NDST3: variants seen among roughly 807,000 people sequenced by gnomAD.
The protein encoded by NDST3 is bifunctional heparan sulfate N-deacetylase/N-sulfotransferase 3.
In NDST3, 58 loss-of-function variants were observed where a neutral mutation model predicts 96.1. That is an observed-to-expected ratio of 0.60 (90% CI 0.49 to 0.75). NDST3 has a LOEUF of 0.75. Ranked by LOEUF, NDST3 falls within the 30% of genes least tolerant of loss-of-function variation. NDST3 has a pLI of 0.00. For missense variants in NDST3, 788 were observed against 1,034.2 expected (o/e 0.76, Z 3.27); for synonymous variants, 333 against 359.7 (o/e 0.93, Z 0.84).
intron 1 of NDST3, among the ~76,000 whole-genome samples, chr4:118,035,589 CT>C (rs1644633017): frequency 6.6e-6 from 1 of 151,818 alleles, no homozygotes. Flanking sequence ...TCATCCATAC[CT>C]TCCTATCAAT....
chr4:118,161,310 G>A lies in NDST3; in HGVS notation c.1539+17626G>A, dbSNP rs112341192. On this transcript the variant is annotated intron_variant, in intron 6 of 13. Coordinates refer to ENST00000296499, the MANE Select transcript of NDST3 (RefSeq NM_004784.3). ...GGGATGCCTCCCAGTTAGGCTGCTC[G>A]GGGGTCAGGGTCAGGGACCCACTTG... 1.1e-4 allele frequency among the ~76,000 whole-genome samples: 17 copies of A among 152,318 alleles called. 1 individual carries two copies. The highest frequency in any genetic ancestry group is 3.9e-4 in the Admixed American group (6 of 15,304).
At chr4:118,255,239 C>T (rs1055283406) in intron 13 of NDST3, among the ~76,000 whole-genome samples, 2 of 152,106 alleles carry the variant, frequency 1.3e-5, no homozygotes, top group African/African-American at 4.8e-5. Context: ...AACAAGGTTA[C>T]TGAGTAATCC....
chr4:118,116,500 C>A (rs1241550173), intron 4 of NDST3, among the ~76,000 whole-genome samples: 4 of 152,128 alleles, frequency 2.6e-5, no homozygotes, highest in African/African-American at 9.7e-5. Flanking sequence ...TTGAACGAAT[C>A]AATGAATGCC....
chr4:118,138,705 T>C (rs1015135534), intron 5 of NDST3, among the ~76,000 whole-genome samples: 3 of 152,186 alleles, frequency 2.0e-5, no homozygotes, highest in African/African-American at 7.2e-5. Context: ...TGCATAATCA[T>C]TAACATATAA....
chr4:118,048,886 C>T (rs1036434412), intron 1 of NDST3, among the ~76,000 whole-genome samples: 2 of 152,102 alleles, frequency 1.3e-5, no homozygotes, highest in African/African-American at 4.8e-5. Flanking sequence ...TAATAGATAT[C>T]TACAGAACTA....
Position 118,054,022 on chromosome 4 carries a change from A to C in NDST3, c.112A>C (p.Lys38Gln), listed in dbSNP as rs1420993629. ...ISAYYLYSGY[K>Q]QENELSETAS... ...TGCTTACTACCTGTACAGTGGCTAC[A>C]AACAGGAAAATGAACTCTCTGAGAC... Residue 38 changes from lysine (K) to glutamine (Q), a missense_variant, in exon 2 of 14, where the codon AAA becomes CAA. Physicochemically the swap from Lys to Gln is moderately conservative, Grantham distance 53. Coordinates refer to ENST00000296499, the MANE Select transcript of NDST3 (RefSeq NM_004784.3). 6 of 1,612,958 alleles carry C rather than the reference A, an allele frequency of 3.7e-6. No individual in the cohort carries two copies. The highest frequency in any genetic ancestry group is 5.1e-6 in the Non-Finnish European group (6 of 1,179,222).
chr4:118,161,728 G>C (rs1046892148), intron 6 of NDST3, among the ~76,000 whole-genome samples: 4 of 152,154 alleles, frequency 2.6e-5, no homozygotes, highest in Non-Finnish European at 5.9e-5. Flanking sequence ...CGTCGGAAAA[G>C]TGCAGTATTA....
rs1742232212 is a variant in NDST3 at position 118,258,282 on chromosome 4, C to G, written c.*2570C>G. 1 of 152,184 alleles carries G rather than the reference C, an allele frequency of 6.6e-6. No homozygotes were observed. The highest frequency in any genetic ancestry group is 2.4e-5 in the African/African-American group (1 of 41,446). 9.4% of individuals were successfully genotyped at this position (152,184 alleles called of 1,614,324 possible). On this transcript the variant is annotated 3_prime_UTR_variant, in exon 14 of 14. Coordinates refer to ENST00000296499, the MANE Select transcript of NDST3 (RefSeq NM_004784.3). Reference sequence around the variant, plus strand: ...TTGACCACTCAATGTGTCTTGAAGACAGCATCAAATTCTAGAGGACATGCA... The same window carrying G: ...TTGACCACTCAATGTGTCTTGAAGAGAGCATCAAATTCTAGAGGACATGCA...
At chr4:118,179,977 T>C (rs529814816) in intron 6 of NDST3, among the ~76,000 whole-genome samples, 3 of 152,208 alleles carry the variant, frequency 2.0e-5, no homozygotes, top group East Asian at 3.9e-4. Context: ...TGATAGACTT[T>C]GTCTCTATTT....
intron 12 of NDST3, among the ~76,000 whole-genome samples, chr4:118,244,913 G>A (rs527259741): frequency 1.9e-3 from 285 of 152,186 alleles, no homozygotes; most frequent in Middle Eastern, 3.4e-3. Flanking sequence ...GATTTTCTCA[G>A]TGATTGTGTG....
chr4:118,212,754 T>C (rs1370195385), intron 6 of NDST3, among the ~76,000 whole-genome samples: 1 of 152,140 alleles, frequency 6.6e-6, no homozygotes, highest in East Asian at 1.9e-4. Context: ...AAGAACCAAA[T>C]GAGCTCCAAA....
chr4:118,197,436 G>A (rs1188218794), intron 6 of NDST3, among the ~76,000 whole-genome samples: 2 of 151,910 alleles, frequency 1.3e-5, no homozygotes, highest in African/African-American at 4.8e-5. Flanking sequence ...ATTATATTGG[G>A]GTCTACTTCT....
intron 6 of NDST3, among the ~76,000 whole-genome samples, chr4:118,220,835 A>G (rs1218753793): frequency 2.0e-5 from 3 of 152,076 alleles, no homozygotes; most frequent in African/African-American, 7.2e-5. Flanking sequence ...AACTTAATAA[A>G]ACATGCTTGC....
At chr4:118,199,849 G>A (rs1737949428) in intron 6 of NDST3, among the ~76,000 whole-genome samples, 1 of 152,098 alleles carries the variant, frequency 6.6e-6, no homozygotes, top group Admixed American at 6.5e-5. Context: ...AGATCCAGAA[G>A]AATTATCTGG....
intron 12 of NDST3, among the ~76,000 whole-genome samples, chr4:118,243,717 C>A (rs1741141740): frequency 6.6e-6 from 1 of 152,056 alleles, no homozygotes; most frequent in Admixed American, 6.6e-5. Context: ...GAGTATGTAG[C>A]AAAGCATTGT....
intron 6 of NDST3, among the ~76,000 whole-genome samples, chr4:118,206,581 G>A (rs1738456807): frequency 6.9e-6 from 1 of 144,836 alleles, no homozygotes; most frequent in Admixed American, 6.8e-5. Context: ...AGGTTAAGAA[G>A]TTTAATTTGA....
intron 4 of NDST3, among the ~76,000 whole-genome samples, chr4:118,122,678 G>A (rs565064434): frequency 5.6e-4 from 85 of 152,112 alleles, no homozygotes; most frequent in African/African-American, 1.9e-3. Context: ...TTGAAATTCT[G>A]TGACTCTGTT....
chr4:118,194,468 G>T, intron 6 of NDST3: 2 of 726,674 alleles, frequency 2.8e-6, no homozygotes, highest in Non-Finnish European at 5.2e-6. Flanking sequence ...TGCCTTCATG[G>T]CTGCTATGGC....
At chr4:118,119,470 G>C (rs1731373120) in intron 4 of NDST3, among the ~76,000 whole-genome samples, 1 of 152,026 alleles carries the variant, frequency 6.6e-6, no homozygotes, top group Non-Finnish European at 1.5e-5. Context: ...TATAATTCTA[G>C]GTGTCCTAAT....
Sources: allele counts gnomAD v4.1 joint callset (sites outside exome capture counted in the v4.1 genomes callset), GRCh38; gene constraint gnomAD v4.1.1; transcripts MANE v1.5; gene names NCBI Gene and HGNC (gene_info 2026-07-23, HGNC 2026-07-21).